COMMD1: variants seen among roughly 807,000 people sequenced by gnomAD.
COMMD1 encodes copper metabolism domain containing 1, also known as COMM domain-containing protein 1.
Under a neutral mutation model 17.2 loss-of-function variants are expected in COMMD1, and 10 were observed. That is an observed-to-expected ratio of 0.58 (90% CI 0.36 to 0.99). COMMD1 has a LOEUF of 0.99. Ranked by LOEUF, COMMD1 falls within the 50% of genes least tolerant of loss-of-function variation. The pLI, the probability that COMMD1 is intolerant of heterozygous loss-of-function variation, is 0.01. For synonymous variants in COMMD1, 97 were observed against 91.6 expected (o/e 1.06, Z -0.34); for missense variants, 270 against 231.8 (o/e 1.17, Z -1.07).
At chr2:61,946,684 A>G (rs1049089677) in intron 1 of COMMD1, among the ~76,000 whole-genome samples, 1 of 152,188 alleles carries the variant, frequency 6.6e-6, no homozygotes. Flanking sequence ...TTGATATTAA[A>G]GCTTATTTTA....
intron 1 of COMMD1, among the ~76,000 whole-genome samples, chr2:61,913,191 AC>A (rs747399668): frequency 3.6e-4 from 55 of 151,766 alleles, no homozygotes; most frequent in Non-Finnish European, 2.5e-4. Context: ...ACATAATAAA[AC>A]CCCATCTCTA....
intron 2 of COMMD1, among the ~76,000 whole-genome samples, chr2:62,057,398 C>A (rs1160150553): frequency 6.6e-6 from 1 of 152,000 alleles, no homozygotes; most frequent in Admixed American, 6.6e-5. Context: ...CTGGGATAAA[C>A]CCTATTAGCT....
chr2:61,888,896 C>CTTTT (rs70946768), intron 1 of COMMD1: 2 of 132,290 alleles, frequency 1.5e-5, no homozygotes, highest in Non-Finnish European at 3.1e-5. Context: ...AGGTCCCCTC[C>CTTTT]TTTTTTTTTT....
chr2:62,103,074 G>A (rs1262752590), intron 2 of COMMD1, among the ~76,000 whole-genome samples: 2 of 151,854 alleles, frequency 1.3e-5, no homozygotes, highest in African/African-American at 2.4e-5. Context: ...CGCCTCCTGG[G>A]TTCAGGCCAT....
chr2:62,099,695 C>A (rs753537509), intron 2 of COMMD1, among the ~76,000 whole-genome samples: 1 of 151,522 alleles, frequency 6.6e-6, no homozygotes, highest in Admixed American at 6.6e-5. Flanking sequence ...TACCCTCTTA[C>A]GTGTCTCAGT....
intron 2 of COMMD1, among the ~76,000 whole-genome samples, chr2:62,081,513 G>A (rs2103979579): frequency 6.6e-6 from 1 of 152,140 alleles, no homozygotes; most frequent in East Asian, 1.9e-4. Flanking sequence ...GCCTCCCAAA[G>A]TGCTGGGATT....
chr2:61,899,424 A>G (rs1343162772), intron 1 of COMMD1, among the ~76,000 whole-genome samples: 1 of 152,186 alleles, frequency 6.6e-6, no homozygotes, highest in Admixed American at 6.6e-5. Context: ...AAAGCATTTA[A>G]GTGTTCCCAC....
intron 1 of COMMD1, among the ~76,000 whole-genome samples, chr2:61,993,745 T>C (rs1224969280): frequency 6.6e-6 from 1 of 152,228 alleles, no homozygotes; most frequent in African/African-American, 2.4e-5. Flanking sequence ...TTTTTGATTG[T>C]TCTAAATTTG....
At chr2:61,979,919 C>T (rs1236789156) in intron 1 of COMMD1, among the ~76,000 whole-genome samples, 2 of 112,206 alleles carry the variant, frequency 1.8e-5, no homozygotes, top group Non-Finnish European at 3.6e-5. Context: ...CCACCACAGT[C>T]CCCAGAGTGT....
chr2:61,972,831 G>A (rs1318163415), intron 1 of COMMD1, among the ~76,000 whole-genome samples: 1 of 152,002 alleles, frequency 6.6e-6, no homozygotes, highest in Non-Finnish European at 1.5e-5. Context: ...TAAAATTTCT[G>A]TTTTGTTTGT....
intron 2 of COMMD1, among the ~76,000 whole-genome samples, chr2:62,010,385 G>A (rs956305951): frequency 6.6e-6 from 1 of 151,390 alleles, no homozygotes; most frequent in Admixed American, 6.6e-5. Flanking sequence ...CTCTGTCCTC[G>A]ATCTTCTTTT....
At chr2:61,963,190 TACACACAC>T (rs375894719) in intron 1 of COMMD1, among the ~76,000 whole-genome samples, 17 of 136,370 alleles carry the variant, frequency 1.2e-4, no homozygotes, top group South Asian at 4.6e-4. Flanking sequence ...ATATATTATA[TACACACAC>T]ACACACACAC....
intron 1 of COMMD1, among the ~76,000 whole-genome samples, chr2:61,970,133 G>A (rs1451476015): frequency 2.6e-5 from 4 of 151,624 alleles, no homozygotes; most frequent in Admixed American, 6.6e-5. Flanking sequence ...TGGTGGGCGC[G>A]TGTAATCTTA....
At chr2:61,989,232 T>G (rs1370015316) in intron 1 of COMMD1, among the ~76,000 whole-genome samples, 2 of 152,122 alleles carry the variant, frequency 1.3e-5, no homozygotes, top group Non-Finnish European at 2.9e-5. Flanking sequence ...AGGGCCTAGA[T>G]GGTAATTTGT....
chr2:61,944,414 G>A (rs1307366917), intron 1 of COMMD1, among the ~76,000 whole-genome samples: 1 of 151,820 alleles, frequency 6.6e-6, no homozygotes, highest in South Asian at 2.1e-4. Flanking sequence ...TGGTGTCAGA[G>A]GACTCCAGCC....
At chr2:61,997,599 C>T (rs1668802284) in intron 1 of COMMD1, among the ~76,000 whole-genome samples, 1 of 152,162 alleles carries the variant, frequency 6.6e-6, no homozygotes, top group Non-Finnish European at 1.5e-5. Context: ...ATTTTAAATT[C>T]AGCTGAGTAT....
intron 2 of COMMD1, among the ~76,000 whole-genome samples, chr2:62,056,242 A>C (rs1670697377): frequency 6.6e-6 from 1 of 152,204 alleles, no homozygotes; most frequent in African/African-American, 2.4e-5. Flanking sequence ...GATGTGATTA[A>C]AATTAGCATC....
Position 61,909,148 on chromosome 2 carries a change from G to A in COMMD1, c.180+3290G>A, listed in dbSNP as rs1013171283. On this transcript the variant is annotated intron_variant, in intron 1 of 2. Transcript: ENST00000311832. ...TCTCCACGTTGGTCAGGCTGGTCCC[G>A]AGCTCCCGACCTCAGATGATCTGCC... Among the ~76,000 whole-genome samples, 5 of 151,702 alleles carry A rather than the reference G, an allele frequency of 3.3e-5. No individual in the cohort carries two copies. In the East Asian group the frequency reaches 5.8e-4, roughly 18 times the overall value.
intron 2 of COMMD1, among the ~76,000 whole-genome samples, chr2:62,135,422 C>T (rs1035588763): frequency 6.6e-6 from 1 of 151,770 alleles, no homozygotes; most frequent in African/African-American, 2.4e-5. Context: ...CCGATCTCGG[C>T]TCACTGCAAG....
Sources: gnomAD v4.1 joint callset for allele counts (sites outside exome capture counted in the v4.1 genomes callset) on GRCh38, gnomAD v4.1.1 for gene constraint, MANE v1.5 for transcripts, NCBI Gene and HGNC (gene_info 2026-07-23, HGNC 2026-07-21) for gene names.